ABCC1: variants seen among roughly 807,000 people sequenced by gnomAD.
ABCC1 encodes ATP binding cassette subfamily C member 1 (ABCC1 blood group).
ABCC1 carries 83 observed loss-of-function variants against 172.9 expected under a neutral mutation model. The observed-to-expected ratio is 0.48, with a 90% CI of 0.40 to 0.58. The LOEUF (loss-of-function observed/expected upper bound fraction) is 0.58. Among genes scored for constraint, ABCC1 ranks in the 20% least tolerant of loss-of-function variants. The pLI is 0.00. For synonymous variants in ABCC1, 937 were observed against 825.2 expected (o/e 1.14, Z -2.32); for missense variants, 1,817 against 2,002.7 (o/e 0.91, Z 1.77).
chr16:16,076,193 A>G, intron 14 of ABCC1, 133 bp from the exon 15 acceptor site: 1 of 821,082 alleles, frequency 1.2e-6, no homozygotes, highest in South Asian at 1.7e-5. Context: ...GGCTGATGTC[A>G]CCAGATAATA....
At chr16:16,139,268 A>G (rs2046034749) in intron 30 of ABCC1, among the ~76,000 whole-genome samples, 1 of 152,164 alleles carries the variant, frequency 6.6e-6, no homozygotes, top group African/African-American at 2.4e-5. Context: ...TCCATTGAAC[A>G]CTGCAGGCCC....
intron 1 of ABCC1, among the ~76,000 whole-genome samples, chr16:15,985,796 A>T (rs1259314578): frequency 6.6e-6 from 1 of 151,798 alleles, no homozygotes; most frequent in Non-Finnish European, 1.5e-5. Flanking sequence ...ACTGAGAACA[A>T]CACACATCAC....
At chr16:16,090,689 CT>C in intron 19 of ABCC1, 101 bp downstream of exon 19, 3 of 1,317,200 alleles carry the variant, frequency 2.3e-6, no homozygotes, top group Non-Finnish European at 3.0e-6. Flanking sequence ...GGGAAGGCGG[CT>C]CCTCAGGGCA....
intron 1 of ABCC1, among the ~76,000 whole-genome samples, chr16:15,952,485 A>G (rs1179529669): frequency 1.3e-5 from 2 of 152,028 alleles, no homozygotes; most frequent in Non-Finnish European, 2.9e-5. Context: ...GAAAACCCAG[A>G]AGATGGAAAT....
intron 27 of ABCC1, 123 bp downstream of exon 27, chr16:16,132,058 C>CT: frequency 8.0e-7 from 1 of 1,256,996 alleles, no homozygotes. Context: ...GCTTGAATGG[C>CT]TTTTTGGGGG....
At chr16:16,041,759 G>A (rs559810939) in intron 7 of ABCC1, among the ~76,000 whole-genome samples, 8 of 152,074 alleles carry the variant, frequency 5.3e-5, no homozygotes, top group Non-Finnish European at 1.2e-4. Flanking sequence ...TGGCTTCCTG[G>A]ATCCTTTTAC....
chr16:15,953,129 G>GGTTCAAGACCA (rs1256694756), intron 1 of ABCC1, among the ~76,000 whole-genome samples: 2 of 151,800 alleles, frequency 1.3e-5, no homozygotes, highest in Non-Finnish European at 2.9e-5. Context: ...TGAGGTCAGG[G>GGTTCAAGACCA]GTTCAAGACC....
At chr16:16,001,588 A>C (rs4780585) in intron 1 of ABCC1, among the ~76,000 whole-genome samples, 1 of 151,910 alleles carries the variant, frequency 6.6e-6, no homozygotes, top group Non-Finnish European at 1.5e-5. Context: ...CTATTTATTA[A>C]TGCAAATATC....
At chr16:16,052,876 G>A in intron 11 of ABCC1, 60 bp downstream of exon 11, 2 of 1,531,742 alleles carry the variant, frequency 1.3e-6, no homozygotes, top group Non-Finnish European at 1.8e-6. Flanking sequence ...CTCTCCATGA[G>A]GATTTTAGTC....
chr16:15,979,725 A>G (rs968975315), intron 1 of ABCC1, among the ~76,000 whole-genome samples: 1 of 151,994 alleles, frequency 6.6e-6, no homozygotes, highest in Non-Finnish European at 1.5e-5. Context: ...CCTTCCTCCC[A>G]TCTTGGCCTT....
At chr16:16,092,489 A>T (rs2051295158) in intron 19 of ABCC1, among the ~76,000 whole-genome samples, 1 of 152,196 alleles carries the variant, frequency 6.6e-6, no homozygotes, top group African/African-American at 2.4e-5. Context: ...AATAGGTGGA[A>T]TGTTGTGACT....
At chr16:15,966,072 G>T (rs1000991507) in intron 1 of ABCC1, among the ~76,000 whole-genome samples, 1 of 152,066 alleles carries the variant, frequency 6.6e-6, no homozygotes, top group African/African-American at 2.4e-5. Context: ...CAGGGTCTAA[G>T]GTTACTTACT....
At position 16,086,995 on chromosome 16, in the gene ABCC1, C is replaced by A. The variant is rs373670212; in HGVS notation, c.2460+4C>A. 1 of 1,614,092 alleles carries A rather than the reference C, an allele frequency of 6.2e-7. No homozygotes were observed. Among genetic ancestry groups the A allele is most frequent in the Non-Finnish European group, 8.5e-7 (1 of 1,180,006 alleles). On this transcript the variant is annotated splice_donor_region_variant and intron_variant, in intron 18 of 30. Transcript: ENST00000399410. ...CAAGGGGATGCTGAAGAACAAGGTG[C>A]CTGCTGGCGGGGTGGGGCTTGGTGT... is the stretch of plus-strand genomic sequence containing the variant.
intron 1 of ABCC1, among the ~76,000 whole-genome samples, chr16:15,995,164 T>C (rs926255048): frequency 5.3e-5 from 8 of 151,774 alleles, no homozygotes; most frequent in Non-Finnish European, 1.0e-4. Flanking sequence ...TTCCTGACTG[T>C]GTATGCTGCT....
chr16:16,003,599 G>A (rs1163528191), intron 1 of ABCC1, among the ~76,000 whole-genome samples: 2 of 147,762 alleles, frequency 1.4e-5, no homozygotes, highest in Non-Finnish European at 3.0e-5. Context: ...TGGGTGAATT[G>A]GTGGATGGGT....
intron 4 of ABCC1, 47 bp from the exon 5 acceptor site, chr16:16,016,449 C>G (rs779591269): frequency 1.2e-6 from 2 of 1,609,606 alleles, no homozygotes; most frequent in South Asian, 2.2e-5. Flanking sequence ...CCACCACACC[C>G]AGCCCCAGAA....
intron 20 of ABCC1, among the ~76,000 whole-genome samples, chr16:16,103,848 T>C (rs567319887): frequency 2.0e-5 from 3 of 152,302 alleles, no homozygotes; most frequent in South Asian, 4.1e-4. Flanking sequence ...TTGGTCTCAC[T>C]GACTTCAAGA....
At chr16:15,974,411 C>T (rs901582724) in intron 1 of ABCC1, among the ~76,000 whole-genome samples, 2 of 151,946 alleles carry the variant, frequency 1.3e-5, no homozygotes, top group South Asian at 2.1e-4. Context: ...GTTAATTGAG[C>T]GGTTACAGAG....
intron 12 of ABCC1, among the ~76,000 whole-genome samples, chr16:16,059,481 A>T (rs1371476139): frequency 6.6e-6 from 1 of 152,036 alleles, no homozygotes; most frequent in Non-Finnish European, 1.5e-5. Context: ...GTGTCATGTA[A>T]TATTGTTTTG....
Sources: allele counts gnomAD v4.1 joint callset (sites outside exome capture counted in the v4.1 genomes callset), GRCh38; gene constraint gnomAD v4.1.1; transcripts MANE v1.5; gene names NCBI Gene and HGNC (gene_info 2026-07-23, HGNC 2026-07-21).